Variants in MACROD2 observed in about 807,000 individuals in gnomAD.
The protein encoded by MACROD2 is mono-ADP ribosylhydrolase 2, also known as ADP-ribose glycohydrolase MACROD2.
MACROD2 carries 36 observed loss-of-function variants against 70.4 expected under a neutral mutation model. The observed-to-expected ratio is 0.51, with a 90% CI of 0.39 to 0.68. The LOEUF (loss-of-function observed/expected upper bound fraction) is 0.68. MACROD2 is among the 30% of genes least tolerant of loss of function. MACROD2 has a pLI of 0.00. For synonymous variants in MACROD2, 172 were observed against 178.8 expected (o/e 0.96, Z 0.30); for missense variants, 496 against 538.4 (o/e 0.92, Z 0.78).
intron 8 of MACROD2, among the ~76,000 whole-genome samples, chr20:15,738,659 T>G (rs1171957431): frequency 3.9e-5 from 6 of 152,188 alleles, no homozygotes; most frequent in Middle Eastern, 6.8e-3. Context: ...AGGTTGAATA[T>G]CAGAAACAGA....
At chr20:15,706,515 T>C (rs1568985418) in intron 8 of MACROD2, among the ~76,000 whole-genome samples, 1 of 152,208 alleles carries the variant, frequency 6.6e-6, no homozygotes, top group African/African-American at 2.4e-5. Flanking sequence ...AGTCTCTAGA[T>C]TGTTAAATTA....
intron 4 of MACROD2, among the ~76,000 whole-genome samples, chr20:14,524,826 C>T (rs1029612330): frequency 6.6e-6 from 1 of 152,164 alleles, no homozygotes; most frequent in Non-Finnish European, 1.5e-5. Context: ...AGCATTCATG[C>T]GGAGTCTCAA....
At chr20:15,290,649 A>G (rs2077533428) in intron 6 of MACROD2, among the ~76,000 whole-genome samples, 1 of 152,266 alleles carries the variant, frequency 6.6e-6, no homozygotes, top group Non-Finnish European at 1.5e-5. Context: ...CAAGCCGTGA[A>G]ATCACAACAG....
intron 5 of MACROD2, among the ~76,000 whole-genome samples, chr20:14,991,836 C>G (rs1389122193): frequency 6.6e-6 from 1 of 152,140 alleles, no homozygotes; most frequent in Non-Finnish European, 1.5e-5. Flanking sequence ...TGCTCCAGGT[C>G]TACAGGTACA....
At chr20:14,200,511 G>A (rs564334032) in intron 3 of MACROD2, among the ~76,000 whole-genome samples, 1 of 152,058 alleles carries the variant, frequency 6.6e-6, no homozygotes, top group South Asian at 2.1e-4. Context: ...AACAAACCTG[G>A]ACATGTACCC....
chr20:14,608,848 T>C (rs1015017531), intron 4 of MACROD2, among the ~76,000 whole-genome samples: 2 of 152,090 alleles, frequency 1.3e-5, no homozygotes, highest in African/African-American at 4.8e-5. Flanking sequence ...AAAATTTCTC[T>C]AAGGAGGTAG....
intron 8 of MACROD2, among the ~76,000 whole-genome samples, chr20:15,626,033 A>G (rs2049197760): frequency 6.6e-6 from 1 of 151,956 alleles, no homozygotes; most frequent in Non-Finnish European, 1.5e-5. Flanking sequence ...ACCTTAGTCC[A>G]GTGAGTGAGG....
At chr20:15,813,444 C>T (rs1212761560) in intron 8 of MACROD2, among the ~76,000 whole-genome samples, 1 of 152,062 alleles carries the variant, frequency 6.6e-6, no homozygotes, top group African/African-American at 2.4e-5. Context: ...TTGTTAGATG[C>T]CAGCTGAATA....
chr20:15,527,797 G>A (rs1437329065), intron 8 of MACROD2, among the ~76,000 whole-genome samples: 10 of 152,172 alleles, frequency 6.6e-5, no homozygotes, highest in African/African-American at 7.2e-5. Flanking sequence ...AGGGATTTGC[G>A]AGCTGCTCTA....
rs558846328 is a variant in MACROD2 at position 14,423,586 on chromosome 20, G to A, written c.272-69893G>A. ...ATGGTGGCGGGCCCCTGTAGTCCCAGCTACTCGGGAGGCTGAGGCAGGAGA... is the reference window on the plus strand; with the variant it reads ...ATGGTGGCGGGCCCCTGTAGTCCCAACTACTCGGGAGGCTGAGGCAGGAGA... On this transcript the variant is annotated intron_variant, in intron 3 of 17. Transcript: ENST00000684519. Among the ~76,000 whole-genome samples, 44 of 150,700 alleles carry A rather than the reference G, an allele frequency of 2.9e-4. 1 individual carries two copies. The East Asian group carries it at 7.0e-3, about 24-fold the overall frequency.
At chr20:15,102,209 G>GA (rs1161390082) in intron 5 of MACROD2, among the ~76,000 whole-genome samples, 4 of 151,776 alleles carry the variant, frequency 2.6e-5, no homozygotes, top group African/African-American at 9.7e-5. Context: ...ACAAATAAAG[G>GA]AAAAACGTTC....
At chr20:15,677,389 T>A (rs981430007) in intron 8 of MACROD2, among the ~76,000 whole-genome samples, 1 of 151,466 alleles carries the variant, frequency 6.6e-6, no homozygotes, top group South Asian at 2.1e-4. Flanking sequence ...GGAAGTGGGG[T>A]GGAGGTTTGT....
At chr20:14,985,678 T>C (rs1378421605) in intron 5 of MACROD2, among the ~76,000 whole-genome samples, 3 of 146,330 alleles carry the variant, frequency 2.1e-5, no homozygotes, top group Non-Finnish European at 4.4e-5. Context: ...AGCTGTATTC[T>C]CTTATTCTTT....
chr20:15,064,263 T>C (rs1185869496), intron 5 of MACROD2, among the ~76,000 whole-genome samples: 1 of 152,140 alleles, frequency 6.6e-6, no homozygotes, highest in African/African-American at 2.4e-5. Context: ...GGAGGGGCAC[T>C]GATGATCTTT....
At chr20:14,645,401 A>G (rs1238021690) in intron 4 of MACROD2, among the ~76,000 whole-genome samples, 2 of 151,940 alleles carry the variant, frequency 1.3e-5, no homozygotes, top group Non-Finnish European at 2.9e-5. Flanking sequence ...TCTTCTCTAT[A>G]TCTAGTTTTA....
intron 5 of MACROD2, among the ~76,000 whole-genome samples, chr20:14,715,508 A>G (rs890507672): frequency 3.3e-5 from 5 of 152,198 alleles, no homozygotes; most frequent in African/African-American, 1.2e-4. Context: ...AATCCTTCAT[A>G]CCTTGGAGAG....
rs2075388414 is a variant in MACROD2 at position 15,045,722 on chromosome 20, T to TG, written c.419-184218_419-184217insG. Among the ~76,000 whole-genome samples, 2 of 116,558 alleles carry TG rather than the reference T, an allele frequency of 1.7e-5. 1 individual carries two copies. The highest frequency in any genetic ancestry group is 3.1e-5 in the Non-Finnish European group (2 of 63,554). The allele number at this position is 116,558 out of a possible 152,430, so 76.5% of individuals were successfully genotyped here. A position where few individuals can be genotyped will look rare whatever the true frequency, so the allele number is the denominator to read the frequency against. ...GATAATTTCTCTCCAGACCAGGGTT[T>TG]TTTTTTTTTTTTTTTTTTTTTTCCC... On this transcript the variant is annotated intron_variant, in intron 5 of 17. Coordinates refer to ENST00000684519, the MANE Select transcript of MACROD2 (RefSeq NM_001351661.2).
At chr20:14,813,079 A>T (rs1300803990) in intron 5 of MACROD2, among the ~76,000 whole-genome samples, 1 of 151,874 alleles carries the variant, frequency 6.6e-6, no homozygotes, top group African/African-American at 2.4e-5. Context: ...TTTTTTTTAC[A>T]GAGTTGATAT....
At chr20:14,477,509 C>A (rs1466847638) in intron 3 of MACROD2, among the ~76,000 whole-genome samples, 1 of 152,064 alleles carries the variant, frequency 6.6e-6, no homozygotes, top group South Asian at 2.1e-4. Context: ...AGAATAGTTC[C>A]GTGTCCAAGA....
Sources: gnomAD v4.1 joint callset for allele counts (sites outside exome capture counted in the v4.1 genomes callset) on GRCh38, gnomAD v4.1.1 for gene constraint, MANE v1.5 for transcripts, NCBI Gene and HGNC (gene_info 2026-07-23, HGNC 2026-07-21) for gene names.